MDGA2: variants seen among roughly 807,000 people sequenced by gnomAD.
The protein encoded by MDGA2 is MAM domain-containing glycosylphosphatidylinositol anchor protein 2.
In MDGA2, 40 loss-of-function variants were observed where a neutral mutation model predicts 117.8. The observed-to-expected ratio is 0.34, with a 90% confidence interval of 0.26 to 0.44. MDGA2 has a LOEUF of 0.44. MDGA2 is among the 20% of genes least tolerant of loss of function. The pLI is 1.00. For synonymous variants in MDGA2, 452 were observed against 439.0 expected (o/e 1.03, Z -0.37); for missense variants, 1,123 against 1,250.6 (o/e 0.90, Z 1.54).
At chr14:47,083,083 A>G (rs562738734) in intron 6 of MDGA2, among the ~76,000 whole-genome samples, 2 of 152,138 alleles carry the variant, frequency 1.3e-5, no homozygotes, top group African/African-American at 4.8e-5. Flanking sequence ...CAAAATACGT[A>G]AAGCTCAGTG....
At chr14:47,667,532 G>A (rs1210302538) in intron 1 of MDGA2, among the ~76,000 whole-genome samples, 1 of 152,172 alleles carries the variant, frequency 6.6e-6, no homozygotes, top group Non-Finnish European at 1.5e-5. Flanking sequence ...GCAGACAGCA[G>A]GCATTTTTCT....
chr14:47,461,414 G>T (rs2138592516), intron 1 of MDGA2, among the ~76,000 whole-genome samples: 1 of 152,152 alleles, frequency 6.6e-6, no homozygotes, highest in Non-Finnish European at 1.5e-5. Flanking sequence ...GAATTGTAAA[G>T]CTCTTAGAAC....
intron 1 of MDGA2, among the ~76,000 whole-genome samples, chr14:47,371,187 T>C (rs550602806): frequency 7.1e-4 from 108 of 151,944 alleles, no homozygotes; most frequent in African/African-American, 2.2e-3. Flanking sequence ...GATTTTGTTA[T>C]AGGAAGTTTT....
chr14:47,361,222 T>C (rs1891117242), intron 1 of MDGA2, among the ~76,000 whole-genome samples: 1 of 134,688 alleles, frequency 7.4e-6, no homozygotes, highest in Admixed American at 7.9e-5. Flanking sequence ...TATATATATA[T>C]ATATATGGCA....
intron 3 of MDGA2, among the ~76,000 whole-genome samples, chr14:47,155,259 G>A (rs142491791): frequency 5.3e-5 from 8 of 152,202 alleles, no homozygotes; most frequent in African/African-American, 1.7e-4. Context: ...CACTGGATGC[G>A]GGACAAGAAC....
intron 1 of MDGA2, among the ~76,000 whole-genome samples, chr14:47,507,198 T>C (rs1419801038): frequency 6.6e-6 from 1 of 152,126 alleles, no homozygotes; most frequent in Non-Finnish European, 1.5e-5. Context: ...TGTAGAATCA[T>C]GGTTATAACA....
chr14:47,376,152 CTT>C (rs1891473469), intron 1 of MDGA2, among the ~76,000 whole-genome samples: 1 of 152,142 alleles, frequency 6.6e-6, no homozygotes, highest in Non-Finnish European at 1.5e-5. Flanking sequence ...GTTCATCAGT[CTT>C]TATTTTATAC....
At chr14:47,278,405 G>A (rs1297372673) in intron 2 of MDGA2, among the ~76,000 whole-genome samples, 1 of 152,084 alleles carries the variant, frequency 6.6e-6, no homozygotes, top group Non-Finnish European at 1.5e-5. Context: ...AGACTGTGAA[G>A]CTGGCTACAG....
chr14:47,474,379 T>C (rs1188286465), intron 1 of MDGA2, among the ~76,000 whole-genome samples: 1 of 151,952 alleles, frequency 6.6e-6, no homozygotes, highest in East Asian at 1.9e-4. Context: ...ATAGGAAGAA[T>C]CAATATCATG....
intron 2 of MDGA2, among the ~76,000 whole-genome samples, chr14:47,257,458 C>T (rs1887660630): frequency 6.6e-6 from 1 of 152,066 alleles, no homozygotes; most frequent in Non-Finnish European, 1.5e-5. Flanking sequence ...CCCTTGACAA[C>T]TTCTTCCAGC....
chr14:46,982,955 G>C (rs994777268), intron 8 of MDGA2, among the ~76,000 whole-genome samples: 3 of 151,954 alleles, frequency 2.0e-5, no homozygotes, highest in African/African-American at 7.3e-5. Flanking sequence ...GTTGTAGATA[G>C]CTCTTATTAT....
chr14:47,656,730 CAA>C (rs1248195476), intron 1 of MDGA2, among the ~76,000 whole-genome samples: 1 of 152,118 alleles, frequency 6.6e-6, no homozygotes, highest in African/African-American at 2.4e-5. Flanking sequence ...GCATCCACCA[CAA>C]AAGAGGCATG....
At chr14:47,200,535 T>TTC (rs1555362711) in intron 3 of MDGA2, 1 of 184,618 alleles carries the variant, frequency 5.4e-6, no homozygotes, top group Non-Finnish European at 8.2e-6. Flanking sequence ...TTTTCTTTTC[T>TTC]TTTTTTTTTT....
rs562717361 is a variant in MDGA2 at position 47,334,105 on chromosome 14, C to A, written c.281-32555G>T. 2.0e-5 allele frequency among the ~76,000 whole-genome samples: 3 copies of A among 151,868 alleles called. No homozygotes were observed. The East Asian group carries it at 5.8e-4, about 29-fold the overall frequency. ...AGGTGATATATAGAATATTTGAAAT[C>A]TTCAAATGACATATAAAAACAAAAA... On this transcript the variant is annotated intron_variant, in intron 1 of 16. Transcript: ENST00000399232.
At chr14:47,343,754 T>C (rs1420726025) in intron 1 of MDGA2, among the ~76,000 whole-genome samples, 1 of 152,212 alleles carries the variant, frequency 6.6e-6, no homozygotes. Context: ...CTTTCCCTAG[T>C]GCTCTAGGCC....
chr14:47,205,085 C>A (rs181657586), intron 3 of MDGA2, among the ~76,000 whole-genome samples: 1 of 151,646 alleles, frequency 6.6e-6, no homozygotes, highest in Non-Finnish European at 1.5e-5. Context: ...ATATATAGTT[C>A]GTTTCTGTCT....
chr14:47,005,134 T>G (rs1887667120), intron 8 of MDGA2, among the ~76,000 whole-genome samples: 1 of 151,754 alleles, frequency 6.6e-6, no homozygotes, highest in East Asian at 1.9e-4. Flanking sequence ...CTCTAGTAGG[T>G]TAATGAATAG....
At chr14:47,168,881 A>G (rs553974609) in intron 3 of MDGA2, among the ~76,000 whole-genome samples, 2 of 152,190 alleles carry the variant, frequency 1.3e-5, no homozygotes, top group Admixed American at 1.3e-4. Flanking sequence ...TAAATCACCT[A>G]AAGTATTTCA....
At chr14:47,349,628 T>C (rs1890834849) in intron 1 of MDGA2, among the ~76,000 whole-genome samples, 1 of 152,220 alleles carries the variant, frequency 6.6e-6, no homozygotes, top group East Asian at 1.9e-4. Flanking sequence ...TCATTTTAAA[T>C]TGTCTTTGAA....
Sources: allele counts gnomAD v4.1 joint callset (sites outside exome capture counted in the v4.1 genomes callset), GRCh38; gene constraint gnomAD v4.1.1; transcripts MANE v1.5; gene names NCBI Gene and HGNC (gene_info 2026-07-23, HGNC 2026-07-21).